RBM26: variants seen among roughly 807,000 people sequenced by gnomAD.
The protein encoded by RBM26 is RNA binding motif protein 26.
RBM26 carries 30 observed loss-of-function variants against 123.6 expected under a neutral mutation model. That is an observed-to-expected ratio of 0.24 (90% CI 0.18 to 0.33). RBM26 has a LOEUF of 0.33. Ranked by LOEUF, RBM26 falls within the 10% of genes least tolerant of loss-of-function variation. The probability of loss-of-function intolerance (pLI) is 1.00; values close to 1 mark genes in which losing one functional copy is unlikely to be tolerated. For synonymous variants in RBM26, 400 were observed against 404.4 expected, an observed-to-expected ratio of 0.99 and a Z score of 0.13; for missense variants, 947 against 1,203.6, an observed-to-expected ratio of 0.79 and a Z score of 3.15.
chr13:79,342,135 G>C (rs2071490724), intron 17 of RBM26, among the ~76,000 whole-genome samples: 1 of 151,692 alleles, frequency 6.6e-6, no homozygotes, highest in Non-Finnish European at 1.5e-5. Context: ...GTGATGTTGG[G>C]TTTGAATTTA....
chr13:79,366,449 A>G (rs2075276609), intron 7 of RBM26, among the ~76,000 whole-genome samples, 184 bp downstream of exon 7: 1 of 152,216 alleles, frequency 6.6e-6, no homozygotes, highest in African/African-American at 2.4e-5. Flanking sequence ...ACTCCAAACC[A>G]TAGTAACTGG....
intron 9 of RBM26, among the ~76,000 whole-genome samples, chr13:79,361,786 G>A (rs1024683431): frequency 6.6e-6 from 1 of 152,050 alleles, no homozygotes; most frequent in Non-Finnish European, 1.5e-5. Flanking sequence ...CATTTGTCAA[G>A]TAGTTATACT....
At chr13:79,348,363 CCTT>C (rs1298451155) in intron 14 of RBM26, among the ~76,000 whole-genome samples, 5 of 152,024 alleles carry the variant, frequency 3.3e-5, no homozygotes, top group African/African-American at 1.2e-4. Context: ...ATTAACACCT[CCTT>C]ATTTTATTTC....
intron 20 of RBM26, among the ~76,000 whole-genome samples, chr13:79,324,630 T>G (rs966277988): frequency 6.6e-6 from 1 of 151,920 alleles, no homozygotes. Flanking sequence ...AAATTTTTCA[T>G]GTACTGGAAT....
At chr13:79,395,037 C>A (rs1307301285) in intron 1 of RBM26, among the ~76,000 whole-genome samples, 1 of 152,176 alleles carries the variant, frequency 6.6e-6, no homozygotes, top group Non-Finnish European at 1.5e-5. Context: ...GACTACAGGG[C>A]AACTGACTCA....
intron 1 of RBM26, among the ~76,000 whole-genome samples, chr13:79,394,737 G>A (rs942756381): frequency 2.0e-5 from 3 of 152,124 alleles, no homozygotes; most frequent in Non-Finnish European, 2.9e-5. Flanking sequence ...GGGTTCAAGC[G>A]ATTCTCCTGC....
chr13:79,355,476 C>T, intron 11 of RBM26, 92 bp from the exon 12 acceptor site: 3 of 906,904 alleles, frequency 3.3e-6, no homozygotes, highest in Non-Finnish European at 5.1e-6. Flanking sequence ...ACTGGTCCTT[C>T]CAAGTAAGAT....
intron 17 of RBM26, among the ~76,000 whole-genome samples, chr13:79,341,524 AC>A: frequency 6.6e-6 from 1 of 151,832 alleles, no homozygotes; most frequent in East Asian, 1.9e-4. Context: ...AAAGTAAAAA[AC>A]AAACCCTAAA....
chr13:79,332,454 A>C (rs1181633150), intron 20 of RBM26, among the ~76,000 whole-genome samples: 1 of 152,196 alleles, frequency 6.6e-6, no homozygotes, highest in East Asian at 1.9e-4. Flanking sequence ...TGCTTGTATA[A>C]GATAAGCTTC....
chr13:79,341,904 T>C (rs1379840593), intron 17 of RBM26, among the ~76,000 whole-genome samples: 1 of 151,836 alleles, frequency 6.6e-6, no homozygotes, highest in Non-Finnish European at 1.5e-5. Flanking sequence ...TAGACCACAG[T>C]TCTGACTTTA....
chr13:79,358,538 T>G (rs1407863825), intron 10 of RBM26, 105 bp from the exon 11 acceptor site: 1 of 887,264 alleles, frequency 1.1e-6, no homozygotes, highest in African/African-American at 1.7e-5. Flanking sequence ...AGTTCAATTT[T>G]CCCCCAAACT....
In RBM26 at chr13:79,369,091, A is replaced by T. The variant is rs1004889587; in HGVS notation, c.635-101T>A. On this transcript the variant is annotated intron_variant, in intron 5 of 21. Transcript: ENST00000438737. ...ATATTTTTATAAACATAGAAAAAAA[A>T]TTTTAAATTTTGCATAATAATCATT... 2.2e-5 allele frequency: 15 copies of T among 695,374 alleles called. No individual in the cohort carries two copies. In the East Asian group the frequency reaches 2.6e-4, roughly 12 times the overall value. The allele number at this position is 695,374 out of a possible 1,614,324, so 43.1% of individuals were successfully genotyped here. A position where few individuals can be genotyped will look rare whatever the true frequency, so the allele number is the denominator to read the frequency against.
intron 5 of RBM26, among the ~76,000 whole-genome samples, chr13:79,370,172 C>T (rs1358392482): frequency 6.6e-6 from 1 of 151,858 alleles, no homozygotes; most frequent in Non-Finnish European, 1.5e-5. Flanking sequence ...AAAAATTAGC[C>T]GAGCATGGTG....
At chr13:79,352,111 C>A (rs1351754565) in intron 14 of RBM26, among the ~76,000 whole-genome samples, 1 of 152,142 alleles carries the variant, frequency 6.6e-6, no homozygotes, top group African/African-American at 2.4e-5. Context: ...AGAGCAAAGT[C>A]TGATACACAA....
chr13:79,371,809 G>A (rs201673168), intron 4 of RBM26, 33 bp downstream of exon 4: 26 of 1,412,058 alleles, frequency 1.8e-5, no homozygotes, highest in Middle Eastern at 1.8e-4. Flanking sequence ...AACTTACATC[G>A]AAACACTGAG....
At chr13:79,330,096 A>C (rs939832751) in intron 20 of RBM26, among the ~76,000 whole-genome samples, 1 of 152,226 alleles carries the variant, frequency 6.6e-6, no homozygotes, top group African/African-American at 2.4e-5. Flanking sequence ...AATGATGTGC[A>C]TATGTGAATA....
intron 14 of RBM26, among the ~76,000 whole-genome samples, chr13:79,345,063 A>AT: frequency 1.3e-5 from 2 of 152,304 alleles, no homozygotes; most frequent in South Asian, 4.1e-4. Context: ...AAAGAAAAAC[A>AT]TTACTATTAC....
intron 13 of RBM26, 95 bp downstream of exon 13, chr13:79,354,344 G>T: frequency 9.4e-7 from 1 of 1,059,050 alleles, no homozygotes; most frequent in Non-Finnish European, 1.3e-6. Context: ...ATATTTCTAT[G>T]TAAAATATAT....
At chr13:79,390,920 A>G (rs565414737) in intron 1 of RBM26, among the ~76,000 whole-genome samples, 1 of 152,346 alleles carries the variant, frequency 6.6e-6, no homozygotes, top group South Asian at 2.1e-4. Flanking sequence ...ATAGATCAAT[A>G]TATAAAAAGT....
Sources: gnomAD v4.1 joint callset for allele counts (sites outside exome capture counted in the v4.1 genomes callset) on GRCh38, gnomAD v4.1.1 for gene constraint, MANE v1.5 for transcripts, NCBI Gene and HGNC (gene_info 2026-07-23, HGNC 2026-07-21) for gene names.